The following MTMR10 variants were observed in gnomAD, a reference collection of about 807,000 sequenced individuals.
The protein encoded by MTMR10 is myotubularin related protein 10.
In MTMR10, 56 loss-of-function variants were observed where a neutral mutation model predicts 88.1. The observed-to-expected ratio is 0.64, with a 90% CI of 0.51 to 0.79. The LOEUF (loss-of-function observed/expected upper bound fraction) is 0.79. Among genes scored for constraint, MTMR10 ranks in the 30% least tolerant of loss-of-function variants. The probability of loss-of-function intolerance (pLI) is 0.00; values close to 1 mark genes in which losing one functional copy is unlikely to be tolerated. For missense variants in MTMR10, 883 were observed against 924.7 expected (o/e 0.95, Z 0.58); for synonymous variants, 380 against 340.9 (o/e 1.11, Z -1.26).
chr15:30,928,362 A>G, the MTMR10 span: 5 of 1,398,852 alleles, frequency 3.6e-6, no homozygotes, highest in Non-Finnish European at 4.6e-6. Flanking sequence ...GGCTCTGTAT[A>G]TAAACAACAT....
At chr15:30,952,751 T>C (rs979508466) in intron 11 of MTMR10, among the ~76,000 whole-genome samples, 1 of 152,062 alleles carries the variant, frequency 6.6e-6, no homozygotes, top group East Asian at 1.9e-4. Context: ...CCCCAGAGCT[T>C]TGGAATTACT....
chr15:30,943,199 T>C, intron 14 of MTMR10, 127 bp from the exon 15 acceptor site: 1 of 1,413,652 alleles, frequency 7.1e-7, no homozygotes, highest in Non-Finnish European at 9.2e-7. Flanking sequence ...CCCACCAGAG[T>C]GGCACTTTCA....
At chr15:30,951,869 A>G in intron 12 of MTMR10, 99 bp downstream of exon 12, 1 of 1,022,226 alleles carries the variant, frequency 9.8e-7, no homozygotes, top group Non-Finnish European at 1.5e-6. Flanking sequence ...TAAATAAGAA[A>G]TAGCTAAAAC....
At chr15:30,928,506 T>TTTTGTG in the MTMR10 span, 12 of 1,484,624 alleles carry the variant, frequency 8.1e-6, no homozygotes, top group South Asian at 5.3e-5. Context: ...AAAACAGATT[T>TTTTGTG]TGTGTGTGTG....
the MTMR10 span, chr15:30,925,836 T>A: frequency 4.3e-6 from 7 of 1,614,118 alleles, no homozygotes; most frequent in South Asian, 1.1e-5. Flanking sequence ...TGTGCAAGTC[T>A]GTGTTTGTGA....
the MTMR10 span, chr15:30,928,944 G>A: frequency 2.9e-6 from 1 of 344,674 alleles, no homozygotes; most frequent in African/African-American, 2.2e-5. Flanking sequence ...CGCAGGCACT[G>A]TGCCAAGGAG....
chr15:30,977,894 T>G (rs896124502), intron 2 of MTMR10, among the ~76,000 whole-genome samples: 1 of 152,236 alleles, frequency 6.6e-6, no homozygotes, highest in Non-Finnish European at 1.5e-5. Flanking sequence ...AAGGCTAGTT[T>G]TAGTAACTGC....
rs549289012 is a variant in MTMR10, at chr15:30,979,598, T to C, written c.122-2643A>G. On this transcript the variant is annotated intron_variant, in intron 2 of 15. Coordinates refer to ENST00000435680, the MANE Select transcript of MTMR10 (RefSeq NM_017762.3). ...CTTAAACAAACAAACTACCATATGA[T>C]TTCAGGTTCCTGAGAAGGGAAGCAG... Among the ~76,000 whole-genome samples the C allele has an allele frequency of 2.0e-5, 3 of 152,020 alleles. No individual in the cohort carries two copies. The South Asian group carries it at 6.2e-4, about 32-fold the overall frequency.
At chr15:30,971,193 C>A (rs1194875791) in intron 5 of MTMR10, among the ~76,000 whole-genome samples, 1 of 152,140 alleles carries the variant, frequency 6.6e-6, no homozygotes. Context: ...TTCATTTGTC[C>A]TGGCTACCAC....
intron 2 of MTMR10, among the ~76,000 whole-genome samples, chr15:30,988,672 C>G (rs117185708): frequency 6.6e-6 from 1 of 152,132 alleles, no homozygotes; most frequent in Non-Finnish European, 1.5e-5. Context: ...TTTCTTAGCA[C>G]ATATCTTAAA....
intron 2 of MTMR10, among the ~76,000 whole-genome samples, chr15:30,981,928 G>A (rs1404267924): frequency 6.6e-6 from 1 of 151,916 alleles, no homozygotes; most frequent in African/African-American, 2.4e-5. Flanking sequence ...AAAATTAGCT[G>A]GGCCTGGTGG....
At chr15:30,956,069 G>C (rs768564972) in intron 9 of MTMR10, among the ~76,000 whole-genome samples, 2 of 150,364 alleles carry the variant, frequency 1.3e-5, no homozygotes, top group East Asian at 3.9e-4. Flanking sequence ...ACCTAGAAAA[G>C]ATAAGAAAAA....
chr15:30,925,038 T>C, the MTMR10 span: 6 of 1,386,894 alleles, frequency 4.3e-6, no homozygotes, highest in Non-Finnish European at 5.9e-6. Flanking sequence ...AATTCAATAA[T>C]AAACAGTGGG....
At chr15:30,943,225 C>T (rs974907631) in intron 14 of MTMR10, 153 bp from the exon 15 acceptor site, 68 of 1,383,830 alleles carry the variant, frequency 4.9e-5, no homozygotes, top group Non-Finnish European at 6.0e-5. Context: ...AGAGAGGAGA[C>T]GCTCCTGGCC....
rs970756399 is a variant in MTMR10, at chr15:30,954,866, G to C, written c.963C>G (p.His321Gln). ...ATTTGTAAACATCACTTCTCTGTGGGTGACTTTTAGTTATTGCATTACAAA... is the reference window on the plus strand; with the variant it reads ...ATTTGTAAACATCACTTCTCTGTGGCTGACTTTTAGTTATTGCATTACAAA... ...QRICNAITKS[H>Q]PQRSDVYKSD... Residue 321 changes from histidine to glutamine, a missense_variant, in exon 10 of 16, where the codon CAC becomes CAG. Around this residue, in one of 3 missense-constraint regions of MTMR10, gnomAD observed 414 missense variants for 423.2 expected, o/e 0.98. Transcript: ENST00000435680. 13 of 1,559,210 alleles carry C rather than the reference G, an allele frequency of 8.3e-6. No homozygotes were observed. Among genetic ancestry groups the C allele is most frequent in the Non-Finnish European group, 1.0e-5 (12 of 1,150,904 alleles).
chr15:30,940,450 G>C lies in MTMR10; in HGVS notation c.*1020C>G. ...TATTCCTAAGCATTAGGAACTATGA[G>C]AGAAGGACATCTGTGCAGGTGCCCA... On this transcript the variant is annotated 3_prime_UTR_variant, in exon 16 of 16. Transcript: ENST00000435680. 5 of 985,416 alleles carry C rather than the reference G, an allele frequency of 5.1e-6. No individual in the cohort carries two copies. The highest frequency in any genetic ancestry group is 4.8e-6 in the Non-Finnish European group (4 of 829,928). 61.0% of individuals were successfully genotyped at this position (985,416 alleles called of 1,614,324 possible). A position where few individuals can be genotyped will look rare whatever the true frequency, so the allele number is the denominator to read the frequency against.
chr15:30,926,603 T>C, the MTMR10 span: 2 of 984,878 alleles, frequency 2.0e-6, no homozygotes, highest in African/African-American at 3.5e-5. Flanking sequence ...CTTTATTACT[T>C]ACAGGGAAGG....
At chr15:30,933,918 G>A in the MTMR10 span, among the ~76,000 whole-genome samples, 4 of 152,036 alleles carry the variant, frequency 2.6e-5, no homozygotes, top group African/African-American at 9.7e-5. Context: ...GCACCATCAT[G>A]CCCAGCTGAT....
intron 12 of MTMR10, chr15:30,950,113 A>G (rs894772108): frequency 1.3e-5 from 2 of 152,238 alleles, no homozygotes; most frequent in African/African-American, 4.8e-5. Context: ...ATGAAGGTTC[A>G]GTGCTACTTC....
Sources: gnomAD v4.1 joint callset for allele counts (sites outside exome capture counted in the v4.1 genomes callset) on GRCh38, gnomAD v4.1.1 for gene constraint, gnomAD v4.1.1 regional missense constraint, MANE v1.5 for transcripts, NCBI Gene and HGNC (gene_info 2026-07-23, HGNC 2026-07-21) for gene names.